Variants in ZNF385D observed in about 807,000 individuals in gnomAD.
ZNF385D encodes the protein zinc finger protein 385D.
A neutral mutation model predicts 35.8 loss-of-function variants in ZNF385D; 15 were observed. That is an observed-to-expected ratio of 0.42 (90% CI 0.28 to 0.64). ZNF385D has a LOEUF of 0.64. ZNF385D is among the 30% of genes least tolerant of loss of function. The pLI is 0.23. For synonymous variants in ZNF385D, 212 were observed against 186.8 expected, an observed-to-expected ratio of 1.13 and a Z score of -1.10; for missense variants, 474 against 494.6, an observed-to-expected ratio of 0.96 and a Z score of 0.39.
At chr3:21,812,816 G>A (rs200341667) in intron 3 of ZNF385D, among the ~76,000 whole-genome samples, 5 of 152,218 alleles carry the variant, frequency 3.3e-5, no homozygotes, top group African/African-American at 9.6e-5. Context: ...AGAATTAAAC[G>A]TCCCTGTCTG....
intron 2 of ZNF385D, among the ~76,000 whole-genome samples, chr3:21,602,512 A>ATTTTTTTTTT (rs199882061): frequency 2.0e-4 from 18 of 90,172 alleles, no homozygotes; most frequent in African/African-American, 7.6e-4. Context: ...GTTTCCCTGC[A>ATTTTTTTTTT]TTTTCTTTTT....
intron 3 of ZNF385D, among the ~76,000 whole-genome samples, chr3:21,943,155 C>G (rs899542337): frequency 3.3e-5 from 5 of 152,042 alleles, no homozygotes; most frequent in African/African-American, 1.2e-4. Context: ...TTTATTCCAC[C>G]CAGTTCACAT....
chr3:21,985,029 T>G (rs542553253), intron 3 of ZNF385D, among the ~76,000 whole-genome samples: 1 of 150,560 alleles, frequency 6.6e-6, no homozygotes, highest in Admixed American at 6.6e-5. Flanking sequence ...ATCCTGAGAC[T>G]TTGCTGAAGT....
At chr3:21,826,515 A>C (rs569536799) in intron 3 of ZNF385D, among the ~76,000 whole-genome samples, 1 of 152,302 alleles carries the variant, frequency 6.6e-6, no homozygotes, top group East Asian at 1.9e-4. Context: ...GGAGAAGAAG[A>C]GGTTCAGGAA....
At chr3:22,317,998 G>A (rs1021132966) in intron 2 of ZNF385D, among the ~76,000 whole-genome samples, 4 of 151,894 alleles carry the variant, frequency 2.6e-5, no homozygotes, top group African/African-American at 2.4e-5. Flanking sequence ...GGCAGAGGTT[G>A]CAGTGAGCAT....
intron 1 of ZNF385D, among the ~76,000 whole-genome samples, chr3:21,667,476 T>TGCCC (rs1181234535): frequency 3.9e-5 from 6 of 152,190 alleles, no homozygotes; most frequent in Non-Finnish European, 7.3e-5. Context: ...ATTACTTTCA[T>TGCCC]TTGTGTCACA....
Position 21,913,364 on chromosome 3 carries a change from C to A in ZNF385D, c.326-248336G>T, listed in dbSNP as rs191431955. Among the ~76,000 whole-genome samples the A allele has an allele frequency of 1.5e-3, 223 of 152,204 alleles. 3 individuals carry two copies. Among genetic ancestry groups the A allele is most frequent in the African/African-American group, 5.0e-3 (209 of 41,556 alleles). On this transcript the variant is annotated intron_variant, in intron 3 of 5. Transcript: ENST00000494108. The stretch of plus-strand genomic sequence containing the variant: ...TCGTATATCTGAAATAACTCATTAA[C>A]AGAAAAAATTGGCACATTCCATTTC...
intron 3 of ZNF385D, among the ~76,000 whole-genome samples, chr3:22,078,064 A>T (rs973178717): frequency 1.3e-5 from 2 of 152,048 alleles, no homozygotes; most frequent in South Asian, 4.1e-4. Context: ...AATATGCCTG[A>T]AATTTGTGAG....
chr3:21,823,050 T>C (rs1255225750), intron 3 of ZNF385D, among the ~76,000 whole-genome samples: 1 of 152,184 alleles, frequency 6.6e-6, no homozygotes, highest in Non-Finnish European at 1.5e-5. Flanking sequence ...CATAATTTTC[T>C]ATTTGTTAAG....
intron 1 of ZNF385D, among the ~76,000 whole-genome samples, chr3:21,711,307 C>A (rs1389349123): frequency 1.3e-5 from 2 of 152,002 alleles, no homozygotes; most frequent in Non-Finnish European, 2.9e-5. Flanking sequence ...TCCCAAAGTG[C>A]TGGGATTACA....
chr3:21,981,158 G>A (rs1181559872), intron 3 of ZNF385D, among the ~76,000 whole-genome samples: 2 of 152,134 alleles, frequency 1.3e-5, no homozygotes, highest in South Asian at 2.1e-4. Context: ...TTTCCACAAT[G>A]GTTGAAGTAA....
In ZNF385D at chr3:22,158,665, TACACACACACACATAC is replaced by T. The variant is rs1377555725; in HGVS notation, c.325+10136_325+10151del. Among the ~76,000 whole-genome samples the T allele has an allele frequency of 2.7e-3, 413 of 150,368 alleles. 2 individuals are homozygous for T. Among genetic ancestry groups the T allele is most frequent in the African/African-American group, 9.4e-3 (388 of 41,306 alleles). On this transcript the variant is annotated intron_variant, in intron 3 of 5. Coordinates refer to the ZNF385D transcript ENST00000494108. ...GTGAATTGAATCTGTAATACCATCT[TACACACACACACATAC>T]ACACACACACACATTCATGCCATTG...
At chr3:21,947,507 T>G (rs1237524404) in intron 3 of ZNF385D, among the ~76,000 whole-genome samples, 1 of 151,996 alleles carries the variant, frequency 6.6e-6, no homozygotes, top group African/African-American at 2.4e-5. Context: ...TGCACCACCA[T>G]GCCTGGCTAA....
chr3:21,552,910 G>T (rs1301264205), intron 3 of ZNF385D, among the ~76,000 whole-genome samples: 1 of 152,210 alleles, frequency 6.6e-6, no homozygotes, highest in East Asian at 1.9e-4. Context: ...GAATTACCCA[G>T]GTTGGCCCTT....
At chr3:21,824,809 T>C (rs893052141) in intron 3 of ZNF385D, among the ~76,000 whole-genome samples, 2 of 152,216 alleles carry the variant, frequency 1.3e-5, no homozygotes, top group African/African-American at 4.8e-5. Flanking sequence ...TAAGGTAAAC[T>C]ACAAATTATT....
intron 3 of ZNF385D, among the ~76,000 whole-genome samples, chr3:21,536,930 A>G (rs1232492189): frequency 6.6e-6 from 1 of 151,962 alleles, no homozygotes; most frequent in African/African-American, 2.4e-5. Flanking sequence ...GAGAGGAAAG[A>G]GTGAGCCTGG....
chr3:22,176,095 T>C (rs571722078), intron 2 of ZNF385D, among the ~76,000 whole-genome samples: 1 of 152,032 alleles, frequency 6.6e-6, no homozygotes, highest in Admixed American at 6.5e-5. Context: ...AATTTAAAAT[T>C]AAAACTACAG....
chr3:21,749,385 G>A (rs906197902), intron 1 of ZNF385D, among the ~76,000 whole-genome samples: 1 of 152,064 alleles, frequency 6.6e-6, no homozygotes, highest in South Asian at 2.1e-4. Context: ...TCCTCACGAC[G>A]ATCACATAAG....
intron 2 of ZNF385D, among the ~76,000 whole-genome samples, chr3:21,596,340 G>A (rs1258479063): frequency 6.6e-6 from 1 of 152,092 alleles, no homozygotes; most frequent in Non-Finnish European, 1.5e-5. Flanking sequence ...AGTTCACAGA[G>A]CTGAAGATAC....
Sources: gnomAD v4.1 joint callset for allele counts (sites outside exome capture counted in the v4.1 genomes callset) on GRCh38, gnomAD v4.1.1 for gene constraint, MANE v1.5 for transcripts, NCBI Gene and HGNC (gene_info 2026-07-23, HGNC 2026-07-21) for gene names.